FAM107A: variants seen among roughly 807,000 people sequenced by gnomAD.
FAM107A encodes the protein family with sequence similarity 107 member A, also known as actin-associated protein FAM107A.
FAM107A carries 19 observed loss-of-function variants against 13.7 expected under a neutral mutation model. The observed-to-expected ratio is 1.38, with a 90% CI of 0.97 to 2.03. The LOEUF is 2.03. Ranked by LOEUF, FAM107A falls within the 30% of genes most tolerant of loss-of-function variation. FAM107A has a pLI of 0.00. For synonymous variants in FAM107A, 82 were observed against 74.5 expected (o/e 1.10, Z -0.52); for missense variants, 203 against 184.4 (o/e 1.10, Z -0.58).
At chr3:58,616,526 AACAC>A (rs59230021) in intron 1 of FAM107A, among the ~76,000 whole-genome samples, 4,656 of 137,774 alleles carry the variant, frequency 0.034, 158 homozygotes, top group East Asian at 0.21. Flanking sequence ...ATAAGAGGAG[AACAC>A]ACACACACAC....
rs184340474 is a variant in FAM107A, at chr3:58,613,741, G to A, written c.-70+13675C>T. Among the ~76,000 whole-genome samples, 882 of 152,330 alleles carry A rather than the reference G, an allele frequency of 5.8e-3. No individual in the cohort carries two copies. The highest frequency in any genetic ancestry group is 0.014 in the Middle Eastern group (4 of 294). ...CTCCCAGGGAGAGGTGAGTCTTGGGGAGGCTCAACCCTCCCAAGTGCTCAG... is the reference window on the plus strand; with the variant it reads ...CTCCCAGGGAGAGGTGAGTCTTGGGAAGGCTCAACCCTCCCAAGTGCTCAG... On this transcript the variant is annotated intron_variant, in intron 1 of 3. Transcript: ENST00000465970. The surrounding 1 kb of genome is among the most constrained non-coding windows in gnomAD (Gnocchi z 4.6).
chr3:58,627,284 C>A, intron 1 of FAM107A: 1 of 443,506 alleles, frequency 2.3e-6, no homozygotes, highest in Non-Finnish European at 4.0e-6. Context: ...AACCCTGCCT[C>A]TCTCAGGAAG....
rs1227086110 is a variant in FAM107A, at chr3:58,569,705, G to A, written c.156C>T (p.Leu52=). 1 of 1,613,358 alleles carries A rather than the reference G, an allele frequency of 6.2e-7. No homozygotes were observed. Among genetic ancestry groups the A allele is most frequent in the Non-Finnish European group, 8.5e-7 (1 of 1,179,678 alleles). The change falls in exon 2 of 4, where the codon CTC becomes CTT. Residue 52 remains leucine, a synonymous_variant. Transcript: ENST00000360997. The surrounding 1 kb of genome is among the most constrained non-coding windows in gnomAD (Gnocchi z 5.7). ...RSHQELHREL[L]MNHRRGLGVD... is the part of the protein sequence containing the mutation. ...TTCATCCCTACCTTCTGTGGTTCAT[G>A]AGCAGCTCCCGGTGGAGCTCCTGGT...
At chr3:58,611,850 G>A (rs1038316755) in intron 1 of FAM107A, among the ~76,000 whole-genome samples, 1 of 152,232 alleles carries the variant, frequency 6.6e-6, no homozygotes, top group African/African-American at 2.4e-5. Flanking sequence ...TCTGCACATA[G>A]TAATTACTAA....
In FAM107A at chr3:58,565,435, A is replaced by ATTTTTTTT. The variant is rs71625690; in HGVS notation, c.*1145_*1152dup. 4.9e-5 allele frequency: 4 copies of ATTTTTTTT among 82,324 alleles called. No individual in the cohort carries two copies. The highest frequency in any genetic ancestry group is 8.8e-5 in the Non-Finnish European group (4 of 45,300). 5.1% of individuals were successfully genotyped at this position (82,324 alleles called of 1,614,324 possible). ...GACTAGGAAAAAGTAAAAAAAAAAA[A>ATTTTTTTT]TTTTTTTTTTTTTTTTTTTTTTTTT... On this transcript the variant is annotated 3_prime_UTR_variant, in exon 4 of 4. Transcript: ENST00000360997.
chr3:58,608,930 GC>G (rs1473339714), intron 1 of FAM107A: 1 of 152,232 alleles, frequency 6.6e-6, no homozygotes, highest in Non-Finnish European at 1.5e-5. Flanking sequence ...CAGTGAGTTG[GC>G]AGAGCTGGAA....
intron 1 of FAM107A, among the ~76,000 whole-genome samples, chr3:58,620,107 C>T (rs1487835744): frequency 6.6e-6 from 1 of 152,170 alleles, no homozygotes; most frequent in Non-Finnish European, 1.5e-5. Flanking sequence ...AATGGAGCAC[C>T]TTCTATGTCA....
chr3:58,585,196 G>C (rs1468049695), intron 1 of FAM107A, among the ~76,000 whole-genome samples: 1 of 152,190 alleles, frequency 6.6e-6, no homozygotes, highest in Admixed American at 6.5e-5. Context: ...AAGAGGTGAG[G>C]GGGAACACAA....
chr3:58,617,985 G>C lies in FAM107A; in HGVS notation c.-70+9431C>G, dbSNP rs2065919191. On this transcript the variant is annotated intron_variant, in intron 1 of 3. Coordinates refer to the FAM107A transcript ENST00000465970. The surrounding 1 kb of genome is among the most constrained non-coding windows in gnomAD (Gnocchi z 4.5). ...TGTTGGCTCTGTGATCTTGAGACGT[G>C]AACTCAACCTCTTTGAGTCGAGCGT... 6.6e-6 allele frequency among the ~76,000 whole-genome samples: 1 copy of C among 152,204 alleles called. No individual in the cohort carries two copies. The highest frequency in any genetic ancestry group is 6.5e-5 in the Admixed American group (1 of 15,286).
chr3:58,578,672 T>G (rs568467257), upstream of FAM107A, among the ~76,000 whole-genome samples: 8 of 152,352 alleles, frequency 5.3e-5, no homozygotes, highest in South Asian at 1.7e-3. Context: ...GGCATTCTCC[T>G]AATTTCAGAA....
At chr3:58,596,178 G>C (rs1479851821) in intron 1 of FAM107A, among the ~76,000 whole-genome samples, 2 of 152,056 alleles carry the variant, frequency 1.3e-5, no homozygotes, top group African/African-American at 4.8e-5. Context: ...AAAACCTCTT[G>C]GCATTGGTCA....
intron 1 of FAM107A, among the ~76,000 whole-genome samples, chr3:58,619,053 T>C (rs1004155897): frequency 1.3e-5 from 2 of 152,112 alleles, no homozygotes; most frequent in African/African-American, 4.8e-5. Flanking sequence ...CAGGATGGAG[T>C]GCAGTGGTGC....
At chr3:58,620,638 G>A (rs1024385659) in intron 1 of FAM107A, among the ~76,000 whole-genome samples, 1 of 152,248 alleles carries the variant, frequency 6.6e-6, no homozygotes, top group Non-Finnish European at 1.5e-5. Flanking sequence ...TGGAATGACG[G>A]AGCAGCACTC....
chr3:58,622,318 G>A (rs1224691302), intron 1 of FAM107A, among the ~76,000 whole-genome samples: 3 of 152,192 alleles, frequency 2.0e-5, no homozygotes, highest in African/African-American at 7.2e-5. Flanking sequence ...ATGCACACCT[G>A]TAATCTTAGT....
intron 1 of FAM107A, among the ~76,000 whole-genome samples, chr3:58,624,644 C>T (rs987850672): frequency 6.6e-6 from 1 of 152,234 alleles, no homozygotes; most frequent in Non-Finnish European, 1.5e-5. Flanking sequence ...TCCCTTCCAT[C>T]CCCTGCCAGT....
At chr3:58,616,592 TCACCAC>T in intron 1 of FAM107A, among the ~76,000 whole-genome samples, 1 of 137,182 alleles carries the variant, frequency 7.3e-6, no homozygotes, top group Non-Finnish European at 1.6e-5. Context: ...ACCACCACCA[TCACCAC>T]CACCACCACG....
At chr3:58,581,350 T>A (rs2108057454), upstream of FAM107A, among the ~76,000 whole-genome samples, 1 of 152,204 alleles carries the variant, frequency 6.6e-6, no homozygotes, top group East Asian at 1.9e-4. Context: ...GCATCTATAG[T>A]GGGCTGGGCT....
chr3:58,582,677 G>A (rs1404498096), upstream of FAM107A, among the ~76,000 whole-genome samples: 2 of 152,242 alleles, frequency 1.3e-5, no homozygotes, highest in African/African-American at 4.8e-5. Flanking sequence ...AAATGGGGCA[G>A]ACGTGTTTTT....
rs192229471 is a variant in FAM107A, at chr3:58,569,379, C to T, written c.170+312G>A. Among the ~76,000 whole-genome samples, 184 of 152,316 alleles carry T rather than the reference C, an allele frequency of 1.2e-3. No individual in the cohort carries two copies. Among genetic ancestry groups the T allele is most frequent in the African/African-American group, 4.3e-3 (177 of 41,574 alleles). On this transcript the variant is annotated intron_variant, in intron 2 of 3. Coordinates refer to ENST00000360997, the MANE Select transcript of FAM107A (RefSeq NM_001076778.3). This position sits in a 1 kb window ranked among gnomAD's most constrained non-coding sequence, Gnocchi z 5.7. The stretch of plus-strand genomic sequence containing the variant: ...GTGAGGACAGGAACTGGGTCCCATT[C>T]ATTCTTGTATCCCCAGGTCTGGGCT...
Sources: gnomAD v4.1 joint callset for allele counts (sites outside exome capture counted in the v4.1 genomes callset) on GRCh38, gnomAD v4.1.1 for gene constraint, Gnocchi (gnomAD v3.1) non-coding constraint, MANE v1.5 for transcripts, NCBI Gene and HGNC (gene_info 2026-07-23, HGNC 2026-07-21) for gene names.